MAP3K5: variants seen among roughly 807,000 people sequenced by gnomAD.
MAP3K5 encodes mitogen-activated protein kinase kinase kinase 5.
In MAP3K5, 56 loss-of-function variants were observed where a neutral mutation model predicts 158.7. The ratio of observed to expected loss-of-function variants is 0.35; its 90% CI spans 0.28 to 0.44. The LOEUF is 0.44. Among genes scored for constraint, MAP3K5 ranks in the 20% least tolerant of loss-of-function variants. The pLI, the probability that MAP3K5 is intolerant of heterozygous loss-of-function variation, is 1.00. For synonymous variants in MAP3K5, 579 were observed against 601.7 expected (o/e 0.96, Z 0.55); for missense variants, 1,294 against 1,674.8 (o/e 0.77, Z 3.97).
At chr6:136,585,635 G>C (rs1409728737) in intron 23 of MAP3K5, among the ~76,000 whole-genome samples, 6 of 151,922 alleles carry the variant, frequency 3.9e-5, no homozygotes, top group Non-Finnish European at 7.4e-5. Flanking sequence ...AAGTAGCTGG[G>C]ATTACAGGCA....
chr6:136,726,616 T>A (rs1781978616), intron 1 of MAP3K5, among the ~76,000 whole-genome samples: 1 of 152,032 alleles, frequency 6.6e-6, no homozygotes. Flanking sequence ...ATACGGAATA[T>A]CTCTCCACTT....
intron 8 of MAP3K5, among the ~76,000 whole-genome samples, chr6:136,661,422 G>A (rs903388271): frequency 9.2e-5 from 14 of 152,118 alleles, no homozygotes; most frequent in Non-Finnish European, 1.5e-4. Context: ...TTGAGACAAG[G>A]TCTCACTCTG....
At chr6:136,675,896 C>T (rs939021712) in intron 7 of MAP3K5, among the ~76,000 whole-genome samples, 1 of 152,070 alleles carries the variant, frequency 6.6e-6, no homozygotes, top group Non-Finnish European at 1.5e-5. Context: ...TAAAAATTAA[C>T]GCTAAGCCCT....
intron 1 of MAP3K5, among the ~76,000 whole-genome samples, chr6:136,767,103 T>G (rs369303107): frequency 6.6e-6 from 1 of 152,328 alleles, no homozygotes; most frequent in African/African-American, 2.4e-5. Context: ...AAAGGACAAG[T>G]TTATCTCTAT....
intron 8 of MAP3K5, among the ~76,000 whole-genome samples, chr6:136,662,288 G>A (rs1254602763): frequency 2.0e-5 from 3 of 152,276 alleles, no homozygotes; most frequent in Non-Finnish European, 2.9e-5. Flanking sequence ...GGACTATCAC[G>A]TGCATTCATC....
In MAP3K5 at chr6:136,567,814, T is replaced by C; in HGVS notation, c.3578A>G (p.Asp1193Gly). The C allele has an allele frequency of 6.2e-7, 1 of 1,614,072 alleles. No homozygotes were observed. Among genetic ancestry groups the C allele is most frequent in the Non-Finnish European group, 8.5e-7 (1 of 1,179,950 alleles). ...ESDTADQEDL[D>G]VEDDHEEQPS... ...CTGTTCCTCATGGTCATCTTCTACA[T>C]CCAAGTCTTCTTGATCAGCAGTATC... The change falls in exon 26 of 30, where the codon GAT (aspartate) becomes GGT (glycine). Residue 1193 changes from aspartate to glycine, a missense_variant. Asp to Gly is a moderately conservative substitution (Grantham distance 94). Coordinates refer to ENST00000359015, the MANE Select transcript of MAP3K5 (RefSeq NM_005923.4).
intron 25 of MAP3K5, among the ~76,000 whole-genome samples, chr6:136,569,561 C>T (rs1054660210): frequency 7.9e-5 from 12 of 152,280 alleles, no homozygotes; most frequent in East Asian, 3.9e-4. Context: ...AACCACTTCC[C>T]CACCTCCCAA....
intron 25 of MAP3K5, among the ~76,000 whole-genome samples, chr6:136,573,049 A>C (rs1294818996): frequency 6.6e-6 from 1 of 152,226 alleles, no homozygotes; most frequent in Non-Finnish European, 1.5e-5. Flanking sequence ...GACTGGGCTA[A>C]GGATGGCCAG....
At chr6:136,724,251 T>C (rs1781862680) in intron 1 of MAP3K5, among the ~76,000 whole-genome samples, 1 of 149,316 alleles carries the variant, frequency 6.7e-6, no homozygotes, top group African/African-American at 2.4e-5. Flanking sequence ...AAACTGACTT[T>C]TTTTTTTTTT....
At chr6:136,581,271 C>A (rs1774863168) in intron 24 of MAP3K5, among the ~76,000 whole-genome samples, 1 of 152,188 alleles carries the variant, frequency 6.6e-6, no homozygotes, top group Non-Finnish European at 1.5e-5. Context: ...AAGCTTCATT[C>A]ATGTTGTAGC....
intron 23 of MAP3K5, among the ~76,000 whole-genome samples, chr6:136,589,364 T>C (rs569669733): frequency 1.1e-4 from 17 of 152,232 alleles, no homozygotes; most frequent in African/African-American, 3.6e-4. Flanking sequence ...CCAGTACCCA[T>C]TGAACTAAAA....
rs114220879 is a variant in MAP3K5, at chr6:136,766,002, G to T, written c.448+25708C>A. Among the ~76,000 whole-genome samples the T allele has an allele frequency of 5.6e-3, 858 of 152,214 alleles. 5 individuals carry two copies. Among genetic ancestry groups the T allele is most frequent in the African/African-American group, 0.019 (802 of 41,532 alleles). ...CATTCCTGCACTAGGAACATAATTTGTGGACTTGCTTGGATTATACATATT... is the reference window on the plus strand; with the variant it reads ...CATTCCTGCACTAGGAACATAATTTTTGGACTTGCTTGGATTATACATATT... On this transcript the variant is annotated intron_variant, in intron 1 of 29. Transcript: ENST00000359015.
At chr6:136,624,850 A>G (rs1371278514) in intron 14 of MAP3K5, among the ~76,000 whole-genome samples, 1 of 152,340 alleles carries the variant, frequency 6.6e-6, no homozygotes, top group East Asian at 1.9e-4. Context: ...AAGTCAAGGA[A>G]ACAGAAAAAG....
intron 11 of MAP3K5, among the ~76,000 whole-genome samples, chr6:136,646,355 C>G (rs906029635): frequency 6.6e-6 from 1 of 152,080 alleles, no homozygotes; most frequent in Non-Finnish European, 1.5e-5. Flanking sequence ...TATTTCTTAG[C>G]ATAATATAAA....
At chr6:136,672,948 C>T (rs368978370) in intron 7 of MAP3K5, among the ~76,000 whole-genome samples, 31 of 150,066 alleles carry the variant, frequency 2.1e-4, no homozygotes, top group Admixed American at 1.0e-3. Flanking sequence ...CAAGATCACA[C>T]CACTGCCCTC....
At chr6:136,681,401 A>C (rs1276199013) in intron 7 of MAP3K5, among the ~76,000 whole-genome samples, 6 of 152,186 alleles carry the variant, frequency 3.9e-5, no homozygotes, top group Non-Finnish European at 1.5e-5. Flanking sequence ...TGGAAGGCTG[A>C]GGAAGGAGGA....
At chr6:136,753,215 T>C (rs1043193569) in intron 1 of MAP3K5, among the ~76,000 whole-genome samples, 2 of 152,230 alleles carry the variant, frequency 1.3e-5, no homozygotes, top group Non-Finnish European at 2.9e-5. Flanking sequence ...GTTTTTAACA[T>C]GGGAAGACTG....
intron 1 of MAP3K5, among the ~76,000 whole-genome samples, chr6:136,727,123 G>A (rs720345): frequency 0.37 from 55,538 of 151,944 alleles, 12,020 homozygotes; most frequent in Middle Eastern, 0.5. Flanking sequence ...AAATAAACAG[G>A]TGAAAATTAT....
intron 11 of MAP3K5, among the ~76,000 whole-genome samples, chr6:136,644,538 C>T (rs1257515096): frequency 6.6e-6 from 1 of 152,148 alleles, no homozygotes; most frequent in Non-Finnish European, 1.5e-5. Flanking sequence ...CCAGTTAGGG[C>T]TAGAATAGGA....
Sources: allele counts gnomAD v4.1 joint callset (sites outside exome capture counted in the v4.1 genomes callset), GRCh38; gene constraint gnomAD v4.1.1; transcripts MANE v1.5; gene names NCBI Gene and HGNC (gene_info 2026-07-23, HGNC 2026-07-21).